Variants in KIF20B observed in about 807,000 individuals in gnomAD.
KIF20B encodes kinesin family member 20B.
Under a neutral mutation model 232.5 loss-of-function variants are expected in KIF20B, and 188 were observed. The ratio of observed to expected loss-of-function variants is 0.81; its 90% CI spans 0.72 to 0.91. The LOEUF (loss-of-function observed/expected upper bound fraction) is 0.91, where lower values mean the gene tolerates loss of function less well. KIF20B is among the 40% of genes least tolerant of loss of function. The pLI is 0.00. For missense variants in KIF20B, 2,154 were observed against 2,055.9 expected (o/e 1.05, Z -0.92); for synonymous variants, 712 against 683.0 (o/e 1.04, Z -0.66).
rs986546492 is a variant in KIF20B, at chr10:89,755,473, C to G, written c.4503+800C>G. Among the ~76,000 whole-genome samples, 6 of 132,234 alleles carry G rather than the reference C, an allele frequency of 4.5e-5. No individual in the cohort carries two copies. In the South Asian group the frequency reaches 1.4e-3, roughly 32 times the overall value. The allele number at this position is 132,234 out of a possible 152,430, so 86.8% of individuals were successfully genotyped here. A position where few individuals can be genotyped will look rare whatever the true frequency, so the allele number is the denominator to read the frequency against. ...CCTTTCCTTCCCTCCCCTCCCCTCCCTCCCCTTTCCTTTTTCCTTTCCTTC... is the reference window on the plus strand; with the variant it reads ...CCTTTCCTTCCCTCCCCTCCCCTCCGTCCCCTTTCCTTTTTCCTTTCCTTC... On this transcript the variant is annotated intron_variant, in intron 26 of 32. Coordinates refer to ENST00000371728, the MANE Select transcript of KIF20B (RefSeq NM_001284259.2).
chr10:89,706,146 T>G (rs1842719271), intron 2 of KIF20B, among the ~76,000 whole-genome samples: 1 of 152,192 alleles, frequency 6.6e-6, no homozygotes, highest in Non-Finnish European at 1.5e-5. Context: ...TGCTTCTACC[T>G]CTTTGCTAAC....
Position 89,737,826 on chromosome 10 carries a change from T to C in KIF20B, c.2985T>C (p.Leu995=). ...MHTKIDELRT[L]DSVSQISNID... ...CGAAAATAGACGAACTACGTACTCT[T>C]GATTCAGTTTCTCAGATTTCAAACA... Residue 995 remains leucine (L), a synonymous_variant, in exon 20 of 33, where the codon CTT becomes CTC. Coordinates refer to ENST00000371728, the MANE Select transcript of KIF20B (RefSeq NM_001284259.2). 6.2e-7 allele frequency: 1 copy of C among 1,613,502 alleles called. No individual in the cohort carries two copies. The highest frequency in any genetic ancestry group is 8.5e-7 in the Non-Finnish European group (1 of 1,179,604).
chr10:89,705,477 C>T (rs1338185071), intron 2 of KIF20B, 36 bp downstream of exon 2: 1 of 1,593,478 alleles, frequency 6.3e-7, no homozygotes, highest in Admixed American at 1.7e-5. Flanking sequence ...GATTATCATG[C>T]CTCCTTCTAA....
intron 23 of KIF20B, among the ~76,000 whole-genome samples, chr10:89,750,147 A>G (rs1233234189): frequency 6.6e-6 from 1 of 152,104 alleles, no homozygotes; most frequent in Non-Finnish European, 1.5e-5. Flanking sequence ...CTAGTTTGCT[A>G]GCTTTCAAAT....
At chr10:89,714,817 CA>C in intron 7 of KIF20B, 137 bp from the exon 8 acceptor site, 4 of 589,296 alleles carry the variant, frequency 6.8e-6, no homozygotes, top group African/African-American at 2.0e-5. Flanking sequence ...TCCTTTGTTC[CA>C]AAAAGTTTTT....
At chr10:89,773,029 A>G (rs989707277) in intron 32 of KIF20B, among the ~76,000 whole-genome samples, 198 bp downstream of exon 32, 3 of 152,100 alleles carry the variant, frequency 2.0e-5, no homozygotes, top group African/African-American at 7.2e-5. Context: ...ATGCATTTGC[A>G]TTTGAAAATG....
intron 6 of KIF20B, among the ~76,000 whole-genome samples, chr10:89,712,407 C>T (rs1227617010): frequency 6.6e-6 from 1 of 152,010 alleles, no homozygotes; most frequent in Non-Finnish European, 1.5e-5. Flanking sequence ...AGGGGCATGC[C>T]ACCACTCCTG....
At chr10:89,704,090 T>C (rs1200380713) in intron 1 of KIF20B, among the ~76,000 whole-genome samples, 1 of 152,180 alleles carries the variant, frequency 6.6e-6, no homozygotes, top group African/African-American at 2.4e-5. Context: ...TCATGGTCCT[T>C]GATCCAGTGG....
At position 89,743,903 on chromosome 10, in the gene KIF20B, A is replaced by G. The variant is rs1126480; in HGVS notation, c.4011A>G (p.Lys1337=). The G allele has an allele frequency of 0.26, 409,442 of 1,582,506 alleles. 57,379 individuals are homozygous for G. Among genetic ancestry groups the G allele is most frequent in the African/African-American group, 0.46 (33,856 of 73,010 alleles). Residue 1337 remains lysine (K), a synonymous_variant, in exon 22 of 33, where the codon AAA becomes AAG. Coordinates refer to ENST00000371728, the MANE Select transcript of KIF20B (RefSeq NM_001284259.2). ...KNQCSQELDM[K]QRTIQQLKEQ... is the part of the protein sequence containing the mutation. ...AGTGTTCTCAGGAATTAGATATGAA[A>G]CAGCGAACCATTCAGCAACTCAAGG... is the stretch of plus-strand genomic sequence containing the variant.
intron 13 of KIF20B, among the ~76,000 whole-genome samples, chr10:89,722,983 G>A (rs1198431462): frequency 6.6e-6 from 1 of 152,110 alleles, no homozygotes; most frequent in Non-Finnish European, 1.5e-5. Context: ...GTTTATGGTA[G>A]TACCATAATT....
chr10:89,767,332 G>GC (rs1178168839), intron 29 of KIF20B, among the ~76,000 whole-genome samples: 2 of 123,100 alleles, frequency 1.6e-5, no homozygotes, highest in Non-Finnish European at 1.7e-5. Context: ...CCCTCCCCTA[G>GC]CCCCCCACCC....
intron 26 of KIF20B, among the ~76,000 whole-genome samples, chr10:89,755,163 A>G (rs1309302590): frequency 1.3e-5 from 2 of 152,228 alleles, no homozygotes; most frequent in East Asian, 1.9e-4. Flanking sequence ...CTGACATGCC[A>G]TGTTGGCAAT....
At chr10:89,743,432 C>T (rs763784910) in intron 21 of KIF20B, among the ~76,000 whole-genome samples, 3 of 152,118 alleles carry the variant, frequency 2.0e-5, no homozygotes, top group Non-Finnish European at 4.4e-5. Context: ...GATTATATTA[C>T]TCAATAAACT....
Position 89,737,607 on chromosome 10 carries a change from TG to T in KIF20B, c.2767del (p.Glu923LysfsTer5). The T allele has an allele frequency of 1.2e-6, 2 of 1,603,874 alleles. No homozygotes were observed. The highest frequency in any genetic ancestry group is 1.7e-6 in the Non-Finnish European group (2 of 1,176,402). On this transcript the variant is annotated frameshift_variant, in exon 20 of 33. Coordinates refer to ENST00000371728, the MANE Select transcript of KIF20B (RefSeq NM_001284259.2). LOFTEE classifies it high-confidence loss of function. ...ATTTTCAGCAGGAACTTTCTCTTTC[TG>T]AAAAAAAGAATTTAACTTTAAGTAA... ...VHFQQELSLS[E>X]KKNLTLSKEV...
intron 5 of KIF20B, 118 bp downstream of exon 5, chr10:89,710,183 T>G: frequency 1.1e-6 from 1 of 910,608 alleles, no homozygotes; most frequent in Non-Finnish European, 1.6e-6. Context: ...TGCTCTATTT[T>G]TAATAGTACT....
In KIF20B at chr10:89,723,739, C is replaced by T. The variant is rs7079613; in HGVS notation, c.1723-225C>T. The T allele has an allele frequency of 2.1e-3, 650 of 303,962 alleles. 4 individuals are homozygous for T. Among genetic ancestry groups the T allele is most frequent in the African/African-American group, 0.012 (558 of 46,080 alleles). The allele number at this position is 303,962 out of a possible 1,614,324, so 18.8% of individuals were successfully genotyped here. On this transcript the variant is annotated intron_variant, in intron 13 of 32. Transcript: ENST00000371728. ...TTCTTAGTATAGCTAAACAGTGAGA[C>T]GAGTTACCAAAGGTCTATTTCTAAA...
intron 31 of KIF20B, among the ~76,000 whole-genome samples, 160 bp from the exon 32 acceptor site, chr10:89,772,529 T>C (rs1395955087): frequency 6.6e-6 from 1 of 152,074 alleles, no homozygotes; most frequent in Non-Finnish European, 1.5e-5. Flanking sequence ...CTTTGTGATT[T>C]GTCTATTCAT....
rs545101501 is a variant in KIF20B at position 89,726,321 on chromosome 10, ATAT to A, written c.2035_2037del (p.Ile679del). On this transcript the variant is annotated inframe_deletion, in exon 16 of 33. Transcript: ENST00000371728. ...ACACATAATTATGTAGGATTTGAAG[ATAT>A]TATTGATTCTCTTCAAGATAATGTT... 4.0e-3 allele frequency: 6,153 copies of A among 1,549,708 alleles called. 22 individuals carry two copies. Among genetic ancestry groups the A allele is most frequent in the Non-Finnish European group, 4.8e-3 (5,527 of 1,146,404 alleles).
intron 1 of KIF20B, among the ~76,000 whole-genome samples, chr10:89,702,393 G>T (rs1237754147): frequency 6.6e-6 from 1 of 152,200 alleles, no homozygotes; most frequent in African/African-American, 2.4e-5. Context: ...TGCATGTCTG[G>T]CACAGTTCTC....
Sources: gnomAD v4.1 joint callset for allele counts (sites outside exome capture counted in the v4.1 genomes callset) on GRCh38, gnomAD v4.1.1 for gene constraint, MANE v1.5 for transcripts, NCBI Gene and HGNC (gene_info 2026-07-23, HGNC 2026-07-21) for gene names.